RPRD2: variants seen among roughly 807,000 people sequenced by gnomAD.
The protein encoded by RPRD2 is regulation of nuclear pre-mRNA domain-containing protein 2.
In RPRD2, 12 loss-of-function variants were observed where a neutral mutation model predicts 104.4. The ratio of observed to expected loss-of-function variants is 0.11; its 90% CI spans 0.07 to 0.19. The LOEUF is 0.19. RPRD2 is among the 10% of genes least tolerant of loss of function. RPRD2 has a pLI of 1.00. For missense variants in RPRD2, 1,543 were observed against 1,790.1 expected, an observed-to-expected ratio of 0.86 and a Z score of 2.49; for synonymous variants, 714 against 684.9, an observed-to-expected ratio of 1.04 and a Z score of -0.66.
At chr1:150,380,395 T>G (rs1266689383) in intron 1 of RPRD2, among the ~76,000 whole-genome samples, 6 of 151,702 alleles carry the variant, frequency 4.0e-5, no homozygotes, top group Non-Finnish European at 8.8e-5. Flanking sequence ...ATTACCCTAT[T>G]TTTTTTTGTT....
At chr1:150,405,155 G>T (rs1371032910) in intron 1 of RPRD2, among the ~76,000 whole-genome samples, 1 of 152,158 alleles carries the variant, frequency 6.6e-6, no homozygotes, top group Non-Finnish European at 1.5e-5. Flanking sequence ...GGGTGAAAAT[G>T]TATACTATTT....
intron 2 of RPRD2, among the ~76,000 whole-genome samples, chr1:150,425,994 G>A (rs1377236481): frequency 6.6e-6 from 1 of 152,112 alleles, no homozygotes; most frequent in East Asian, 1.9e-4. Context: ...CAAGCTACTT[G>A]GAAGGCTGAA....
intron 2 of RPRD2, among the ~76,000 whole-genome samples, chr1:150,429,417 C>T (rs1042351509): frequency 3.3e-5 from 5 of 151,876 alleles, no homozygotes; most frequent in Middle Eastern, 3.2e-3. Flanking sequence ...TACAGTGGCA[C>T]GATCACGGCT....
Position 150,471,252 on chromosome 1 carries a change from A to G in RPRD2, c.2304A>G (p.Arg768=). 7 of 1,613,598 alleles carry G rather than the reference A, an allele frequency of 4.3e-6. No individual in the cohort carries two copies. The highest frequency in any genetic ancestry group is 2.2e-5 in the East Asian group (1 of 44,866). The part of the protein sequence containing the change: ...SPGSSTPSST[R]SPPPGRDESY... Reference sequence around the variant, plus strand: ...GTTCCTCAACACCCAGCAGTACAAGATCACCACCCCCTGGGAGAGATGAAA... The same window carrying G: ...GTTCCTCAACACCCAGCAGTACAAGGTCACCACCCCCTGGGAGAGATGAAA... The change falls in exon 11 of 11, where the codon AGA becomes AGG. Residue 768 remains arginine (R), a synonymous_variant. Coordinates refer to ENST00000369068, the MANE Select transcript of RPRD2 (RefSeq NM_015203.5). This position sits in a 1 kb window ranked among gnomAD's most constrained non-coding sequence, Gnocchi z 5.3.
chr1:150,368,772 T>C (rs1202082368), intron 1 of RPRD2, among the ~76,000 whole-genome samples: 27 of 152,090 alleles, frequency 1.8e-4, no homozygotes, highest in African/African-American at 2.4e-5. Context: ...GGTACCTGGC[T>C]AATTTTTGTA....
At chr1:150,380,004 G>A (rs1315069890) in intron 1 of RPRD2, among the ~76,000 whole-genome samples, 4 of 152,006 alleles carry the variant, frequency 2.6e-5, no homozygotes, top group East Asian at 3.9e-4. Context: ...TCTTAACATC[G>A]CATATTGCCC....
At chr1:150,463,266 A>G (rs1003412061) in intron 9 of RPRD2, among the ~76,000 whole-genome samples, 1 of 152,156 alleles carries the variant, frequency 6.6e-6, no homozygotes, top group African/African-American at 2.4e-5. Context: ...CAGGACGTGT[A>G]GTTCACTGTG....
In RPRD2 at chr1:150,471,910, C is replaced by T; in HGVS notation, c.2962C>T (p.Pro988Ser). ...CACCCTTGCCGCTCCCACGGGTCAC[C>T]CACCCACGTCAGGCGTGGAGAAAGT... ...QNTLAAPTGH[P>S]PTSGVEKVLA... The change falls in exon 11 of 11, where the codon CCA becomes TCA. Residue 988 changes from proline to serine, a missense_variant. By Grantham distance (74) the Pro-to-Ser change is moderately conservative. This residue lies in a region of RPRD2 where 880 missense variants were observed against 885.6 expected (regional missense o/e 0.99). Transcript: ENST00000369068. The surrounding 1 kb of genome is among the most constrained non-coding windows in gnomAD (Gnocchi z 5.3). The T allele has an allele frequency of 6.2e-7, 1 of 1,613,946 alleles. No individual in the cohort carries two copies. Among genetic ancestry groups the T allele is most frequent in the Non-Finnish European group, 8.5e-7 (1 of 1,179,884 alleles).
chr1:150,450,497 T>C (rs1667083290), intron 7 of RPRD2, among the ~76,000 whole-genome samples: 1 of 144,194 alleles, frequency 6.9e-6, no homozygotes, highest in African/African-American at 2.6e-5. Flanking sequence ...GTCCCACTAC[T>C]CCGCAGGCTG....
At chr1:150,440,776 G>C in intron 2 of RPRD2, 147 bp from the exon 3 acceptor site, 1 of 596,448 alleles carries the variant, frequency 1.7e-6, no homozygotes, top group Admixed American at 3.5e-5. Context: ...GATTTCTTTA[G>C]TCCTGGATAT....
intron 9 of RPRD2, among the ~76,000 whole-genome samples, chr1:150,464,067 G>A (rs185268194): frequency 1.1e-3 from 167 of 152,226 alleles, no homozygotes; most frequent in African/African-American, 3.7e-3. Flanking sequence ...GTCTCACTGT[G>A]TCTCAACTCT....
intron 1 of RPRD2, among the ~76,000 whole-genome samples, chr1:150,373,585 C>A (rs2102094652): frequency 8.2e-6 from 1 of 121,312 alleles, no homozygotes; most frequent in Non-Finnish European, 1.6e-5. Context: ...TAAGAGTTGA[C>A]ATTTATTGAT....
At chr1:150,437,650 G>A (rs377597541) in intron 2 of RPRD2, among the ~76,000 whole-genome samples, 2 of 151,982 alleles carry the variant, frequency 1.3e-5, no homozygotes, top group Non-Finnish European at 2.9e-5. Flanking sequence ...TGTTGTCAGG[G>A]CTCACTGCAG....
intron 1 of RPRD2, among the ~76,000 whole-genome samples, chr1:150,410,822 TAG>T (rs1663839364): frequency 6.6e-6 from 1 of 152,200 alleles, no homozygotes; most frequent in Non-Finnish European, 1.5e-5. Flanking sequence ...CTCACAGTTC[TAG>T]AGGTTGCAGA....
At chr1:150,367,805 C>T (rs1381363431) in intron 1 of RPRD2, among the ~76,000 whole-genome samples, 1 of 151,902 alleles carries the variant, frequency 6.6e-6, no homozygotes, top group Non-Finnish European at 1.5e-5. Flanking sequence ...TCACTGCAAC[C>T]TCCACCTCCA....
intron 7 of RPRD2, among the ~76,000 whole-genome samples, chr1:150,448,384 G>A (rs1031986695): frequency 3.9e-5 from 6 of 152,110 alleles, no homozygotes; most frequent in Non-Finnish European, 7.4e-5. Context: ...GGACAGGCTC[G>A]TCTTGAACTC....
At chr1:150,378,089 G>A (rs1347939708) in intron 1 of RPRD2, among the ~76,000 whole-genome samples, 4 of 152,080 alleles carry the variant, frequency 2.6e-5, no homozygotes, top group African/African-American at 9.7e-5. Context: ...TTGCTTACAA[G>A]TATGTTGTTA....
chr1:150,373,847 G>C (rs1660510684), intron 1 of RPRD2, among the ~76,000 whole-genome samples: 1 of 152,138 alleles, frequency 6.6e-6, no homozygotes, highest in African/African-American at 2.4e-5. Context: ...TAGAGAGAGA[G>C]TGTAGATAGG....
At position 150,473,274 on chromosome 1, in the gene RPRD2, T is replaced by G. The variant is rs770798884; in HGVS notation, c.4326T>G (p.Pro1442=). ...ACAGTTTAAAGAGACCCAGGCCACCTTTTGCTAGGGGCCCTCCGTTCTTTG... is the reference window on the plus strand; with the variant it reads ...ACAGTTTAAAGAGACCCAGGCCACCGTTTGCTAGGGGCCCTCCGTTCTTTG... ...PFHSLKRPRP[P]FARGPPFFAP... Residue 1442 remains proline, a synonymous_variant, in exon 11 of 11, where the codon CCT becomes CCG. Coordinates refer to ENST00000369068, the MANE Select transcript of RPRD2 (RefSeq NM_015203.5). The G allele has an allele frequency of 3.7e-6, 6 of 1,613,822 alleles. No individual in the cohort carries two copies. The highest frequency in any genetic ancestry group is 4.2e-6 in the Non-Finnish European group (5 of 1,179,782).
Sources: gnomAD v4.1 joint callset for allele counts (sites outside exome capture counted in the v4.1 genomes callset) on GRCh38, gnomAD v4.1.1 for gene constraint, gnomAD v4.1.1 regional missense constraint, Gnocchi (gnomAD v3.1) non-coding constraint, MANE v1.5 for transcripts, NCBI Gene and HGNC (gene_info 2026-07-23, HGNC 2026-07-21) for gene names.